Variants in STX4 observed in about 807,000 individuals in gnomAD.
STX4 encodes syntaxin 4.
A neutral mutation model predicts 41.8 loss-of-function variants in STX4; 24 were observed. The observed-to-expected ratio is 0.57, with a 90% CI of 0.42 to 0.81. The LOEUF (loss-of-function observed/expected upper bound fraction) is 0.81. Ranked by LOEUF, STX4 falls within the 30% of genes least tolerant of loss-of-function variation. The pLI, the probability that STX4 is intolerant of heterozygous loss-of-function variation, is 0.00. For missense variants in STX4, 316 were observed against 389.9 expected (o/e 0.81, Z 1.60); for synonymous variants, 158 against 156.4 (o/e 1.01, Z -0.08).
rs1209474547 is a variant in STX4 at position 31,038,199 on chromosome 16, C to T, written c.564+9C>T. Reference sequence around the variant, plus strand: ...AGGTGTTTGTGTCCAATGTGAGTGGCCACAGCCAGCCCCTCTCTGCTGTGC... The same window carrying T: ...AGGTGTTTGTGTCCAATGTGAGTGGTCACAGCCAGCCCCTCTCTGCTGTGC... On this transcript the variant is annotated intron_variant, in intron 7 of 10. Transcript: ENST00000313843. 2.5e-6 allele frequency: 4 copies of T among 1,613,510 alleles called. No homozygotes were observed. The South Asian group carries it at 3.3e-5, about 13-fold the overall frequency.
In STX4 at chr16:31,033,672, G is replaced by A. The variant is rs2056773493; in HGVS notation, c.-134G>A. On this transcript the variant is annotated 5_prime_UTR_variant, in exon 1 of 11. Coordinates refer to ENST00000313843, the MANE Select transcript of STX4 (RefSeq NM_004604.5). This position sits in a 1 kb window ranked among gnomAD's most constrained non-coding sequence, Gnocchi z 5.5. ...GACTGTGGGCGGTGCAAGGGACGGA[G>A]CCTCTGGCGGCTCGTGGGGGTGTTG... The A allele has an allele frequency of 1.0e-5, 15 of 1,450,432 alleles. No homozygotes were observed. Among genetic ancestry groups the A allele is most frequent in the Non-Finnish European group, 1.4e-5 (15 of 1,104,722 alleles). 89.8% of individuals were successfully genotyped at this position (1,450,432 alleles called of 1,614,324 possible).
Position 31,034,245 on chromosome 16 carries a change from C to T in STX4, c.152C>T (p.Thr51Ile). The T allele has an allele frequency of 6.2e-7, 1 of 1,614,174 alleles. No homozygotes were observed. The highest frequency in any genetic ancestry group is 8.5e-7 in the Non-Finnish European group (1 of 1,180,028). Residue 51 changes from threonine (T) to isoleucine (I), a missense_variant, in exon 3 of 11, where the codon ACT (threonine) becomes ATT (isoleucine). Physicochemically the swap from Thr to Ile is moderately conservative, Grantham distance 89 (BLOSUM62 -1). Coordinates refer to ENST00000313843, the MANE Select transcript of STX4 (RefSeq NM_004604.5). ...FFHKVRTIRQ[T>I]IVKLGNKVQE... ...CCCCAGGTCCGGACAATTCGGCAGACTATTGTCAAACTGGGGAATAAAGTC... is the reference window on the plus strand; with the variant it reads ...CCCCAGGTCCGGACAATTCGGCAGATTATTGTCAAACTGGGGAATAAAGTC...
rs1358538375 is a variant in STX4 at position 31,037,963 on chromosome 16, A to T, written c.416A>T (p.Asn139Ile). The T allele has an allele frequency of 6.2e-7, 1 of 1,614,172 alleles. No individual in the cohort carries two copies. Among genetic ancestry groups the T allele is most frequent in the South Asian group, 1.1e-5 (1 of 91,084 alleles). Residue 139 changes from asparagine (N) to isoleucine (I), a missense_variant, in exon 6 of 11, where the codon AAC becomes ATC. Coordinates refer to ENST00000313843, the MANE Select transcript of STX4 (RefSeq NM_004604.5). ...TCCCAGCAATTCGTGGAGCTCATCAACAAGTGCAATTCAATGCAGTCCGAA... is the reference window on the plus strand; with the variant it reads ...TCCCAGCAATTCGTGGAGCTCATCATCAAGTGCAATTCAATGCAGTCCGAA... The part of the protein sequence containing the change: ...VLSQQFVELI[N>I]KCNSMQSEYR...
intron 5 of STX4, 88 bp downstream of exon 5, chr16:31,035,128 AGAT>A (rs2056790700): frequency 2.0e-6 from 2 of 1,003,344 alleles, no homozygotes; most frequent in African/African-American, 3.4e-5. Context: ...GGGCCTGCAG[AGAT>A]CATGGAGTCC....
In STX4 at chr16:31,040,016, A is replaced by T. The variant is rs2056831985; in HGVS notation, c.*120A>T. The T allele has an allele frequency of 1.7e-6, 1 of 602,362 alleles. No homozygotes were observed. The highest frequency in any genetic ancestry group is 1.9e-5 in the African/African-American group (1 of 53,916). The allele number at this position is 602,362 out of a possible 1,614,324, so 37.3% of individuals were successfully genotyped here. A position where few individuals can be genotyped will look rare whatever the true frequency, so the allele number is the denominator to read the frequency against. On this transcript the variant is annotated 3_prime_UTR_variant, in exon 11 of 11. Coordinates refer to ENST00000313843, the MANE Select transcript of STX4 (RefSeq NM_004604.5). ...CCCTTCCTCACACTGGCCCCTATGC[A>T]GAAGGGCAGACAGTTCTTCTGGGGT...
In STX4 at chr16:31,039,032, T is replaced by G. The variant is rs1016593575; in HGVS notation, c.702+385T>G. 1.8e-4 allele frequency: 42 copies of G among 236,636 alleles called. 1 individual carries two copies. Among genetic ancestry groups the G allele is most frequent in the Non-Finnish European group, 5.1e-5 (6 of 118,610 alleles). 14.7% of individuals were successfully genotyped at this position (236,636 alleles called of 1,614,324 possible). A position where few individuals can be genotyped will look rare whatever the true frequency, so the allele number is the denominator to read the frequency against. ...GGGGGCGGCGTTCCCCTGGCCCTGGTTGTGAGTTGAGTTGAGCTTCCAGCC... is the reference window on the plus strand; with the variant it reads ...GGGGGCGGCGTTCCCCTGGCCCTGGGTGTGAGTTGAGTTGAGCTTCCAGCC... On this transcript the variant is annotated intron_variant, in intron 8 of 10. Transcript: ENST00000313843. This position sits in a 1 kb window ranked among gnomAD's most constrained non-coding sequence, Gnocchi z 4.1.
upstream of STX4, chr16:31,033,298 C>T (rs2056768395): frequency 2.8e-6 from 2 of 722,986 alleles, no homozygotes; most frequent in Admixed American, 2.0e-5. The surrounding 1 kb of genome is among the most constrained non-coding windows in gnomAD (Gnocchi z 5.5). Flanking sequence ...GGGCTGGTCA[C>T]GTGACGCGGT....
rs1349440108 is a variant in STX4 at position 31,039,591 on chromosome 16, C to T, written c.753C>T (p.Tyr251=). ...IEKNILSSAD[Y]VERGQEHVKT... is the part of the protein sequence containing the mutation. The stretch of plus-strand genomic sequence containing the variant: ...AGAACATCCTGAGCTCAGCGGACTA[C>T]GTGGAACGTGGGCAGGAGCACGTCA... The change falls in exon 9 of 11, where the codon TAC becomes TAT. Residue 251 remains tyrosine, a synonymous_variant. Coordinates refer to ENST00000313843, the MANE Select transcript of STX4 (RefSeq NM_004604.5). This position sits in a 1 kb window ranked among gnomAD's most constrained non-coding sequence, Gnocchi z 4.1. 6 of 1,614,154 alleles carry T rather than the reference C, an allele frequency of 3.7e-6. No individual in the cohort carries two copies. The highest frequency in any genetic ancestry group is 1.3e-5 in the African/African-American group (1 of 75,022).
At chr16:31,033,480 G>A (rs1435150086), upstream of STX4, 3 of 1,550,362 alleles carry the variant, frequency 1.9e-6, no homozygotes, top group African/African-American at 1.4e-5. This position sits in a 1 kb window ranked among gnomAD's most constrained non-coding sequence, Gnocchi z 5.5. Context: ...AACAACTTCC[G>A]ACTCCACCTT....
chr16:31,033,926 C>A lies in STX4; in HGVS notation c.31-87C>A. Reference sequence around the variant, plus strand: ...CGGGATAGGGAGGGGTGGCTGATGGCCAGGAAGGAAAGTCCCGGAAGCCTG... The same window carrying A: ...CGGGATAGGGAGGGGTGGCTGATGGACAGGAAGGAAAGTCCCGGAAGCCTG... On this transcript the variant is annotated intron_variant, in intron 1 of 10. Transcript: ENST00000313843. The surrounding 1 kb of genome is among the most constrained non-coding windows in gnomAD (Gnocchi z 5.5). The A allele has an allele frequency of 6.9e-7, 1 of 1,459,232 alleles. No homozygotes were observed. The highest frequency in any genetic ancestry group is 2.8e-5 in the Admixed American group (1 of 35,888). 90.4% of individuals were successfully genotyped at this position (1,459,232 alleles called of 1,614,324 possible). A position where few individuals can be genotyped will look rare whatever the true frequency, so the allele number is the denominator to read the frequency against.
At chr16:31,033,428 C>T (rs907165702), upstream of STX4, 2 of 1,485,230 alleles carry the variant, frequency 1.3e-6, no homozygotes, top group Admixed American at 2.0e-5. The surrounding 1 kb of genome is among the most constrained non-coding windows in gnomAD (Gnocchi z 5.5). Context: ...GTGACGGTAG[C>T]AAGTTCTCGC....
At chr16:31,033,510 G>C, upstream of STX4, 1 of 1,550,602 alleles carries the variant, frequency 6.4e-7, no homozygotes, top group South Asian at 1.2e-5. This position sits in a 1 kb window ranked among gnomAD's most constrained non-coding sequence, Gnocchi z 5.5. Context: ...GGGCAAGGAA[G>C]AGACGCGACC....
chr16:31,033,209 C>T (rs2056768040), upstream of STX4: 1 of 630,652 alleles, frequency 1.6e-6, no homozygotes. This position sits in a 1 kb window ranked among gnomAD's most constrained non-coding sequence, Gnocchi z 5.5. Context: ...ATGAGAACGG[C>T]GTCCCAGAGA....
Position 31,035,009 on chromosome 16 carries a change from A to ACT in STX4, c.349_350dup (p.Val118ProfsTer6). On this transcript the variant is annotated frameshift_variant, in exon 5 of 11. Coordinates refer to ENST00000313843, the MANE Select transcript of STX4 (RefSeq NM_004604.5). LOFTEE classifies it high-confidence loss of function. ...AAGGAGGAAGCTGATGAGAACTATA[A>ACT]CTCCGTCAACACAAGAATGAGAAAA... The ACT allele has an allele frequency of 1.2e-6, 2 of 1,611,238 alleles. No individual in the cohort carries two copies. Among genetic ancestry groups the ACT allele is most frequent in the Non-Finnish European group, 1.7e-6 (2 of 1,179,110 alleles).
At position 31,039,543 on chromosome 16, in the gene STX4, G is replaced by A; in HGVS notation, c.705G>A (p.Gly235=). ...TFLATEVEMQ[G]EMINRIEKNI... ...GAACCACCCCATCCTCTGAGCAGGG[G>A]GAGATGATCAATCGGATTGAGAAGA... Residue 235 remains glycine, a splice_region_variant and synonymous_variant, in exon 9 of 11, where the codon GGG becomes GGA. Coordinates refer to ENST00000313843, the MANE Select transcript of STX4 (RefSeq NM_004604.5). The surrounding 1 kb of genome is among the most constrained non-coding windows in gnomAD (Gnocchi z 4.1). 1.2e-6 allele frequency: 2 copies of A among 1,613,980 alleles called. No individual in the cohort carries two copies. Among genetic ancestry groups the A allele is most frequent in the Non-Finnish European group, 1.7e-6 (2 of 1,180,008 alleles).
chr16:31,038,273 G>A, intron 7 of STX4, 83 bp downstream of exon 7: 1 of 1,546,380 alleles, frequency 6.5e-7, no homozygotes, highest in Non-Finnish European at 8.9e-7. Context: ...CTGGGCTCAG[G>A]TGATCCTCCT....
Position 31,038,501 on chromosome 16 carries a change from A to T in STX4, c.565-9A>T, listed in dbSNP as rs912917017. 32 of 1,612,940 alleles carry T rather than the reference A, an allele frequency of 2.0e-5. No individual in the cohort carries two copies. The highest frequency in any genetic ancestry group is 2.7e-5 in the Non-Finnish European group (32 of 1,179,732). On this transcript the variant is annotated splice_polypyrimidine_tract_variant and intron_variant, in intron 7 of 10. Transcript: ENST00000313843. ...GTGAACAGTTGCCCCACTCCTGTCC[A>T]CCCCCCAGATCCTGAAGGACACGCA...
chr16:31,038,784 A>G, intron 8 of STX4, 137 bp downstream of exon 8: 2 of 1,163,846 alleles, frequency 1.7e-6, no homozygotes, highest in Non-Finnish European at 2.4e-6. Flanking sequence ...GCTTATTCCT[A>G]TCCTTAGCTG....
chr16:31,034,424 G>C, intron 3 of STX4, 38 bp from the exon 4 acceptor site: 1 of 1,600,548 alleles, frequency 6.2e-7, no homozygotes, highest in South Asian at 1.1e-5. Context: ...GTTGAGGTGG[G>C]GGCTGCTGTT....
Sources: gnomAD v4.1 joint callset for allele counts on GRCh38, gnomAD v4.1.1 for gene constraint, Gnocchi (gnomAD v3.1) non-coding constraint, MANE v1.5 for transcripts, NCBI Gene and HGNC (gene_info 2026-07-23, HGNC 2026-07-21) for gene names.